Variants in MIB1 observed in about 807,000 individuals in gnomAD.
The protein encoded by MIB1 is E3 ubiquitin-protein ligase MIB1.
MIB1 carries 278 observed loss-of-function variants against 124.5 expected under a neutral mutation model. The observed-to-expected ratio is 2.23, with a 90% confidence interval of 2.02 to 2.47. MIB1 has a LOEUF of 2.47. Among genes scored for constraint, MIB1 ranks in the 30% most tolerant of loss-of-function variants. The pLI is 0.00. For synonymous variants in MIB1, 446 were observed against 429.4 expected, an observed-to-expected ratio of 1.04 and a Z score of -0.48; for missense variants, 957 against 1,254.4, an observed-to-expected ratio of 0.76 and a Z score of 3.58.
In MIB1 at chr18:21,830,607, G is replaced by A. The variant is rs1282850039; in HGVS notation, c.1830-7758G>A. On this transcript the variant is annotated intron_variant, in intron 12 of 20. Transcript: ENST00000261537. ...GCATCCTTAAAAGTACAGGCCTTAT[G>A]GTGCTCTGTTACCTGTAAGCTTAGT... 3.9e-5 allele frequency: 6 copies of A among 152,192 alleles called. No individual in the cohort carries two copies. The East Asian group carries it at 1.2e-3, about 29-fold the overall frequency. 9.4% of individuals were successfully genotyped at this position (152,192 alleles called of 1,614,324 possible). A position where few individuals can be genotyped will look rare whatever the true frequency, so the allele number is the denominator to read the frequency against.
chr18:21,856,087 G>A (rs1045700574), intron 18 of MIB1, among the ~76,000 whole-genome samples: 2 of 151,246 alleles, frequency 1.3e-5, no homozygotes, highest in African/African-American at 2.4e-5. Context: ...AAAATTAGCC[G>A]GGCGCGGTGG....
chr18:21,741,957 A>G lies in MIB1; in HGVS notation c.229+145A>G, dbSNP rs915632493. On this transcript the variant is annotated intron_variant, in intron 1 of 20. Coordinates refer to ENST00000261537, the MANE Select transcript of MIB1 (RefSeq NM_020774.4). This position sits in a 1 kb window ranked among gnomAD's most constrained non-coding sequence, Gnocchi z 5.4. ...GAGCGAGCGGAAAGGCAAAGCGCCA[A>G]AGGAATTCTAGGTTCCGAACGGGTG... 5 of 706,750 alleles carry G rather than the reference A, an allele frequency of 7.1e-6. No individual in the cohort carries two copies. The highest frequency in any genetic ancestry group is 3.7e-5 in the African/African-American group (2 of 54,756). The allele number at this position is 706,750 out of a possible 1,614,324, so 43.8% of individuals were successfully genotyped here.
intron 1 of MIB1, among the ~76,000 whole-genome samples, chr18:21,743,252 C>CT: frequency 6.6e-6 from 1 of 152,294 alleles, no homozygotes; most frequent in South Asian, 2.1e-4. Flanking sequence ...ATCTAATCCC[C>CT]TTTTAAGTGC....
intron 7 of MIB1, among the ~76,000 whole-genome samples, chr18:21,792,979 A>G (rs1568203997): frequency 6.6e-6 from 1 of 152,262 alleles, no homozygotes; most frequent in African/African-American, 2.4e-5. Flanking sequence ...CATCTATAAC[A>G]AAACTAGGTT....
rs956624308 is a variant in MIB1 at position 21,791,485 on chromosome 18, A to G, written c.1020A>G (p.Gln340=). ...TSQFQVGDLV[Q]VCYDLERIKL... ...AGTTTCAAGTGGGTGATCTTGTACA[A>G]GTTTGTTATGACCTGGAACGAATTA... Residue 340 remains glutamine (Q), a synonymous_variant, in exon 7 of 21, where the codon CAA becomes CAG. Coordinates refer to ENST00000261537, the MANE Select transcript of MIB1 (RefSeq NM_020774.4). 1.9e-6 allele frequency: 3 copies of G among 1,614,032 alleles called. No individual in the cohort carries two copies. The highest frequency in any genetic ancestry group is 2.5e-6 in the Non-Finnish European group (3 of 1,180,002).
intron 1 of MIB1, among the ~76,000 whole-genome samples, chr18:21,747,571 T>C (rs1412876250): frequency 6.6e-6 from 1 of 152,240 alleles, no homozygotes; most frequent in Non-Finnish European, 1.5e-5. Context: ...TGATTGTTTG[T>C]TGGTAATACA....
At chr18:21,772,366 A>T (rs1219664778) in intron 3 of MIB1, among the ~76,000 whole-genome samples, 1 of 152,204 alleles carries the variant, frequency 6.6e-6, no homozygotes, top group Non-Finnish European at 1.5e-5. Context: ...AGTCAGGTTT[A>T]CTTGAGAAGG....
intron 10 of MIB1, among the ~76,000 whole-genome samples, chr18:21,814,376 TC>T (rs2092999928): frequency 6.6e-6 from 1 of 152,014 alleles, no homozygotes; most frequent in Non-Finnish European, 1.5e-5. Flanking sequence ...TGTTTGGCAT[TC>T]TTTTTTTTTT....
At chr18:21,845,727 G>A (rs1244689122) in intron 15 of MIB1, among the ~76,000 whole-genome samples, 4 of 151,674 alleles carry the variant, frequency 2.6e-5, no homozygotes, top group Non-Finnish European at 5.9e-5. Flanking sequence ...GGGGTCACGC[G>A]ATTCTCCTGC....
intron 1 of MIB1, among the ~76,000 whole-genome samples, chr18:21,712,614 C>A (rs999933802): frequency 2.0e-5 from 3 of 152,148 alleles, no homozygotes; most frequent in Non-Finnish European, 2.9e-5. Context: ...CCTGCAACTG[C>A]AAGGAAATGA....
intron 1 of MIB1, among the ~76,000 whole-genome samples, chr18:21,754,220 A>G (rs2041005993): frequency 6.6e-6 from 1 of 152,090 alleles, no homozygotes; most frequent in South Asian, 2.1e-4. Context: ...TGATTTCCCT[A>G]TCAGTATTTG....
chr18:21,859,760 G>A (rs1346142326), intron 20 of MIB1, among the ~76,000 whole-genome samples: 3 of 151,554 alleles, frequency 2.0e-5, no homozygotes, highest in East Asian at 2.0e-4. Flanking sequence ...ATGGTGGCGC[G>A]CACCTGTAGT....
intron 12 of MIB1, 117 bp from the exon 13 acceptor site, chr18:21,838,248 A>G (rs1185057790): frequency 6.4e-6 from 4 of 623,452 alleles, no homozygotes; most frequent in Admixed American, 3.8e-5. Context: ...TAGAATTTCT[A>G]TTTGTCTCTA....
intron 12 of MIB1, chr18:21,827,450 A>G (rs958063869): frequency 6.6e-6 from 1 of 152,128 alleles, no homozygotes; most frequent in African/African-American, 2.4e-5. Context: ...GTATACCTAT[A>G]GAATGACCAA....
intron 10 of MIB1, among the ~76,000 whole-genome samples, chr18:21,809,836 C>T (rs916119279): frequency 6.6e-6 from 1 of 151,972 alleles, no homozygotes; most frequent in Non-Finnish European, 1.5e-5. Context: ...CTTATAAGAA[C>T]AGGGCAAGGA....
chr18:21,862,689 C>T (rs1219765473), intron 20 of MIB1, among the ~76,000 whole-genome samples: 1 of 152,134 alleles, frequency 6.6e-6, no homozygotes, highest in Non-Finnish European at 1.5e-5. Flanking sequence ...TGAGTTGGTT[C>T]ACTCTAGGGC....
At chr18:21,830,538 A>C (rs1415574905) in intron 12 of MIB1, 2 of 152,194 alleles carry the variant, frequency 1.3e-5, no homozygotes, top group African/African-American at 2.4e-5. Context: ...AACAATGAGA[A>C]CATATATTGA....
intron 14 of MIB1, 107 bp downstream of exon 14, chr18:21,843,324 A>G (rs970595684): frequency 1.7e-5 from 11 of 642,458 alleles, no homozygotes; most frequent in Admixed American, 3.7e-5. Flanking sequence ...TCAAGCTGGC[A>G]TAGTTAGATA....
chr18:21,713,420 G>A (rs1223083513), intron 1 of MIB1, among the ~76,000 whole-genome samples: 3 of 151,820 alleles, frequency 2.0e-5, no homozygotes, highest in African/African-American at 4.8e-5. Context: ...GACCAGCCTC[G>A]CCAAGATGCC....
Sources: allele counts gnomAD v4.1 joint callset (sites outside exome capture counted in the v4.1 genomes callset), GRCh38; gene constraint gnomAD v4.1.1; non-coding constraint Gnocchi (gnomAD v3.1); transcripts MANE v1.5; gene names NCBI Gene and HGNC (gene_info 2026-07-23, HGNC 2026-07-21).